Variants in STXBP6 observed in about 807,000 individuals in gnomAD.
The protein encoded by STXBP6 is syntaxin binding protein 6.
A neutral mutation model predicts 26.9 loss-of-function variants in STXBP6; 21 were observed. The observed-to-expected ratio is 0.78, with a 90% CI of 0.55 to 1.12. The LOEUF (loss-of-function observed/expected upper bound fraction) is 1.12, where lower values mean the gene tolerates loss of function less well. Among genes scored for constraint, STXBP6 ranks in the 50% most tolerant of loss-of-function variants. The pLI, the probability that STXBP6 is intolerant of heterozygous loss-of-function variation, is 0.00. For missense variants in STXBP6, 232 were observed against 257.9 expected (o/e 0.90, Z 0.69); for synonymous variants, 97 against 92.6 (o/e 1.05, Z -0.27).
At chr14:25,001,901 A>T (rs2093376157) in intron 1 of STXBP6, among the ~76,000 whole-genome samples, 1 of 152,222 alleles carries the variant, frequency 6.6e-6, no homozygotes. Flanking sequence ...TTCTACAATA[A>T]AGCATATTAT....
chr14:24,949,549 C>T (rs1014429214), intron 2 of STXBP6, among the ~76,000 whole-genome samples: 16 of 152,100 alleles, frequency 1.1e-4, no homozygotes, highest in East Asian at 1.9e-4. Flanking sequence ...GAGAGACGCA[C>T]GGAAGATAGT....
intron 2 of STXBP6, among the ~76,000 whole-genome samples, chr14:24,913,302 A>G (rs550877634): frequency 6.6e-6 from 1 of 152,272 alleles, no homozygotes; most frequent in African/African-American, 2.4e-5. Context: ...AGTTAACAGG[A>G]ATGTATTATA....
At chr14:25,035,095 G>A (rs377095194) in intron 1 of STXBP6, among the ~76,000 whole-genome samples, 11 of 150,702 alleles carry the variant, frequency 7.3e-5, no homozygotes, top group African/African-American at 2.4e-4. Flanking sequence ...ATGTTGCAGT[G>A]AGCCAAGATC....
intron 4 of STXBP6, among the ~76,000 whole-genome samples, chr14:24,831,160 CT>C (rs1352018413): frequency 1.3e-5 from 2 of 152,080 alleles, no homozygotes; most frequent in Non-Finnish European, 2.9e-5. Flanking sequence ...GCAATAGTTT[CT>C]TAGTTATGAT....
chr14:25,017,335 A>G (rs772176864), intron 1 of STXBP6, among the ~76,000 whole-genome samples: 6 of 152,220 alleles, frequency 3.9e-5, no homozygotes, highest in Admixed American at 1.3e-4. Context: ...TGACTCTTCA[A>G]GTGTTCACTA....
intron 1 of STXBP6, among the ~76,000 whole-genome samples, chr14:24,997,924 T>C (rs1413187374): frequency 1.3e-5 from 2 of 152,194 alleles, no homozygotes; most frequent in Non-Finnish European, 2.9e-5. Context: ...TATTTCTTTA[T>C]ACAAATATGT....
At chr14:24,951,209 T>C (rs150023029) in intron 2 of STXBP6, among the ~76,000 whole-genome samples, 5,063 of 152,312 alleles carry the variant, frequency 0.033, 252 homozygotes, top group African/African-American at 0.11. Flanking sequence ...TACGTGTGCA[T>C]GTGTCTTTAT....
intron 1 of STXBP6, among the ~76,000 whole-genome samples, chr14:25,014,764 T>TA (rs2075109956): frequency 6.6e-6 from 1 of 152,256 alleles, no homozygotes; most frequent in Non-Finnish European, 1.5e-5. Flanking sequence ...TATAGTATGA[T>TA]AACCAAGAAA....
At chr14:25,032,325 GACA>G (rs1250528999) in intron 1 of STXBP6, among the ~76,000 whole-genome samples, 2 of 152,276 alleles carry the variant, frequency 1.3e-5, no homozygotes, top group East Asian at 3.9e-4. Flanking sequence ...TCAAGATCAA[GACA>G]ACATTTGTCC....
intron 1 of STXBP6, among the ~76,000 whole-genome samples, chr14:24,995,295 G>T (rs2074574562): frequency 6.6e-6 from 1 of 152,082 alleles, no homozygotes; most frequent in African/African-American, 2.4e-5. Flanking sequence ...CTTCCCAAAG[G>T]CCCCACTTTC....
intron 2 of STXBP6, among the ~76,000 whole-genome samples, chr14:24,940,057 T>C (rs1456256830): frequency 2.0e-5 from 3 of 152,192 alleles, no homozygotes; most frequent in Non-Finnish European, 4.4e-5. Flanking sequence ...GTCACTCTTT[T>C]TGAGAAATCT....
At chr14:24,929,706 T>C (rs1005126640) in intron 2 of STXBP6, among the ~76,000 whole-genome samples, 1 of 152,240 alleles carries the variant, frequency 6.6e-6, no homozygotes, top group African/African-American at 2.4e-5. Context: ...CAGCTTTAAA[T>C]GGCCTAAGTA....
chr14:24,821,906 T>C (rs1393613035), intron 4 of STXBP6, among the ~76,000 whole-genome samples: 2 of 152,278 alleles, frequency 1.3e-5, no homozygotes, highest in African/African-American at 4.8e-5. Flanking sequence ...TGCTGACTTA[T>C]TTTCTTCTAT....
chr14:24,841,944 T>G (rs2068797044), intron 4 of STXBP6, among the ~76,000 whole-genome samples: 1 of 152,250 alleles, frequency 6.6e-6, no homozygotes, highest in East Asian at 1.9e-4. Flanking sequence ...AGAATTTTGG[T>G]GTGCACAATA....
intron 2 of STXBP6, among the ~76,000 whole-genome samples, chr14:24,857,764 C>T (rs1004426048): frequency 2.0e-5 from 3 of 151,776 alleles, no homozygotes; most frequent in Non-Finnish European, 2.9e-5. Context: ...GGCACACCTC[C>T]ACACCTGTAG....
rs200759555 is a variant in STXBP6 at position 24,974,842 on chromosome 14, G to A, written c.-24C>T. On this transcript the variant is annotated 5_prime_UTR_variant, in exon 2 of 6. Transcript: ENST00000323944. ...ATTGTAGAACAAGTGAGGACAGCAC[G>A]CAGTGAATCTTTTAAAGAAGGAAAA... The A allele has an allele frequency of 5.1e-5, 79 of 1,538,368 alleles. No individual in the cohort carries two copies. Among genetic ancestry groups the A allele is most frequent in the South Asian group, 1.3e-4 (10 of 78,472 alleles).
intron 5 of STXBP6, among the ~76,000 whole-genome samples, chr14:24,814,478 G>A (rs1458754162): frequency 1.3e-5 from 2 of 152,176 alleles, no homozygotes; most frequent in East Asian, 1.9e-4. Context: ...TTCAACTAAT[G>A]GGCTTGTGCC....
At chr14:24,967,523 A>C (rs1335120257) in intron 2 of STXBP6, among the ~76,000 whole-genome samples, 1 of 152,384 alleles carries the variant, frequency 6.6e-6, no homozygotes, top group African/African-American at 2.4e-5. Context: ...ATATCCTAGA[A>C]GAGCCAAATG....
chr14:24,947,882 T>C (rs1398589528), intron 2 of STXBP6, among the ~76,000 whole-genome samples: 1 of 152,198 alleles, frequency 6.6e-6, no homozygotes, highest in East Asian at 1.9e-4. Context: ...CTCTAAAGTA[T>C]CATCTTGTTA....
Sources: allele counts gnomAD v4.1 joint callset (sites outside exome capture counted in the v4.1 genomes callset), GRCh38; gene constraint gnomAD v4.1.1; transcripts MANE v1.5; gene names NCBI Gene and HGNC (gene_info 2026-07-23, HGNC 2026-07-21).